IKBKB: variants seen among roughly 807,000 people sequenced by gnomAD.
IKBKB encodes inhibitor of nuclear factor kappa-B kinase subunit beta.
In IKBKB, 42 loss-of-function variants were observed where a neutral mutation model predicts 113.6. The observed-to-expected ratio is 0.37, with a 90% CI of 0.29 to 0.48. The LOEUF (loss-of-function observed/expected upper bound fraction) is 0.48, where lower values mean the gene tolerates loss of function less well. Among genes scored for constraint, IKBKB ranks in the 20% least tolerant of loss-of-function variants. The pLI is 0.99. For missense variants in IKBKB, 673 were observed against 939.7 expected (o/e 0.72, Z 3.71); for synonymous variants, 296 against 361.3 (o/e 0.82, Z 2.05).
chr8:42,302,102 T>C (rs1815344181), intron 5 of IKBKB, among the ~76,000 whole-genome samples: 1 of 152,234 alleles, frequency 6.6e-6, no homozygotes, highest in South Asian at 2.1e-4. Flanking sequence ...ATGGCCTTGC[T>C]CTCTGCCAGC....
chr8:42,330,707 A>G (rs967243589), intron 21 of IKBKB: 2 of 496,778 alleles, frequency 4.0e-6, no homozygotes, highest in Admixed American at 6.5e-5. Context: ...ATGGGGTTTC[A>G]CCATTTTGGC....
intron 21 of IKBKB, chr8:42,329,742 C>T: frequency 5.1e-6 from 5 of 985,332 alleles, no homozygotes; most frequent in Non-Finnish European, 6.0e-6. Flanking sequence ...CAGCCATGGC[C>T]TTGTCCTCAG....
chr8:42,286,776 A>G (rs901931786), intron 2 of IKBKB, among the ~76,000 whole-genome samples: 1 of 152,234 alleles, frequency 6.6e-6, no homozygotes, highest in Non-Finnish European at 1.5e-5. Flanking sequence ...ATAAACTGAG[A>G]AAACAGAAAT....
chr8:42,279,146 C>T (rs1448026088), intron 2 of IKBKB, among the ~76,000 whole-genome samples: 5 of 152,236 alleles, frequency 3.3e-5, no homozygotes, highest in Non-Finnish European at 7.3e-5. Flanking sequence ...AAGCTCTCTA[C>T]CTTCCTTCCC....
chr8:42,314,721 G>A (rs1330517742), intron 9 of IKBKB, among the ~76,000 whole-genome samples: 1 of 151,338 alleles, frequency 6.6e-6, no homozygotes, highest in Non-Finnish European at 1.5e-5. Context: ...GTTGCAGTGA[G>A]CTGAGATCGT....
rs540241525 is a variant in IKBKB, at chr8:42,271,512, C to G, written c.-19+43C>G. Reference sequence around the variant, plus strand: ...GTGCGGCCCGGGTGCCACCTGCAGGCCCCGCCGCCCCGCTGCCTGCAAGGC... The same window carrying G: ...GTGCGGCCCGGGTGCCACCTGCAGGGCCCGCCGCCCCGCTGCCTGCAAGGC... On this transcript the variant is annotated intron_variant, in intron 1 of 21. Transcript: ENST00000520810. The G allele has an allele frequency of 1.0e-4, 68 of 659,604 alleles. No homozygotes were observed. In the African/African-American group the frequency reaches 1.3e-3, roughly 12 times the overall value. The allele number at this position is 659,604 out of a possible 1,614,324, so 40.9% of individuals were successfully genotyped here.
chr8:42,309,979 ATG>A (rs1454406626), intron 8 of IKBKB, among the ~76,000 whole-genome samples: 1 of 152,234 alleles, frequency 6.6e-6, no homozygotes, highest in African/African-American at 2.4e-5. Context: ...ATGTGAGGTA[ATG>A]TATATGGTAA....
chr8:42,301,708 A>G (rs1815243715), intron 5 of IKBKB, among the ~76,000 whole-genome samples: 1 of 152,258 alleles, frequency 6.6e-6, no homozygotes, highest in Non-Finnish European at 1.5e-5. Flanking sequence ...ACAGATATTA[A>G]TAGTAGTCAG....
intron 8 of IKBKB, among the ~76,000 whole-genome samples, chr8:42,311,422 A>C (rs976042537): frequency 1.3e-5 from 2 of 151,968 alleles, no homozygotes; most frequent in Non-Finnish European, 2.9e-5. Flanking sequence ...TTAGCTGGGC[A>C]TGGTGGCACA....
intron 13 of IKBKB, 91 bp downstream of exon 13, chr8:42,318,766 A>G (rs1200698246): frequency 8.0e-7 from 1 of 1,254,832 alleles, no homozygotes; most frequent in Non-Finnish European, 1.1e-6. Context: ...AGGGACCCAG[A>G]AGCAACCGTT....
chr8:42,329,656 G>A (rs1821433209), intron 21 of IKBKB: 1 of 985,224 alleles, frequency 1.0e-6, no homozygotes. Flanking sequence ...ATTGTTCCCA[G>A]AAGCCTGTCC....
Position 42,318,688 on chromosome 8 carries a change from G to T in IKBKB, c.1364+13G>T, listed in dbSNP as rs771971575. Reference sequence around the variant, plus strand: ...AGCGAGCCGCCATGTAGCGTGCCAGGCTTTTTTTTTAAACTTAATTTATTT... The same window carrying T: ...AGCGAGCCGCCATGTAGCGTGCCAGTCTTTTTTTTTAAACTTAATTTATTT... On this transcript the variant is annotated intron_variant, in intron 13 of 21. Transcript: ENST00000520810. The T allele has an allele frequency of 1.9e-6, 3 of 1,580,830 alleles. No homozygotes were observed. Among genetic ancestry groups the T allele is most frequent in the Admixed American group, 1.9e-5 (1 of 52,488 alleles).
At chr8:42,329,572 C>G in intron 21 of IKBKB, 1 of 934,898 alleles carries the variant, frequency 1.1e-6, no homozygotes, top group Non-Finnish European at 1.3e-6. Flanking sequence ...TTATTGAAGG[C>G]TTACAACTAC....
chr8:42,282,536 G>A (rs985976140), intron 2 of IKBKB, among the ~76,000 whole-genome samples: 1 of 152,166 alleles, frequency 6.6e-6, no homozygotes, highest in Non-Finnish European at 1.5e-5. Context: ...TGTCCTTCAC[G>A]AGGAGTTCAT....
At chr8:42,324,387 C>A (rs1820331291) in intron 19 of IKBKB, among the ~76,000 whole-genome samples, 2 of 152,182 alleles carry the variant, frequency 1.3e-5, no homozygotes, top group Non-Finnish European at 2.9e-5. Context: ...GCCTCAGCCT[C>A]CCAAGTAGCT....
In IKBKB at chr8:42,287,572, G is replaced by T. The variant is rs536715983; in HGVS notation, c.106-1062G>T. ...CGTGGGAAGAGTGGCTGGAAATGCA[G>T]ATAGGAGCCAATCTCTGTAGGATGT... On this transcript the variant is annotated intron_variant, in intron 2 of 21. Transcript: ENST00000520810. 1.4e-3 allele frequency among the ~76,000 whole-genome samples: 210 copies of T among 152,358 alleles called. 1 individual carries two copies. Among genetic ancestry groups the T allele is most frequent in the Middle Eastern group, 6.8e-3 (2 of 294 alleles).
rs1481571023 is a variant in IKBKB at position 42,319,254 on chromosome 8, C to A, written c.1365-16C>A. On this transcript the variant is annotated splice_polypyrimidine_tract_variant and intron_variant, in intron 13 of 21. Transcript: ENST00000520810. ...TCCCAGAGATGCTCCAAGACTGTTC[C>A]TTGTGGTCCCTGCAGGATGAATCTC... 1.2e-6 allele frequency: 2 copies of A among 1,613,434 alleles called. No homozygotes were observed. Among genetic ancestry groups the A allele is most frequent in the Non-Finnish European group, 1.7e-6 (2 of 1,179,578 alleles).
intron 2 of IKBKB, among the ~76,000 whole-genome samples, chr8:42,279,670 A>C (rs1809935102): frequency 6.6e-6 from 1 of 152,102 alleles, no homozygotes; most frequent in Non-Finnish European, 1.5e-5. Context: ...TCGCAAGCAA[A>C]GAGGCTAGGA....
chr8:42,289,754 T>G (rs1364132661), intron 3 of IKBKB, among the ~76,000 whole-genome samples: 2 of 152,064 alleles, frequency 1.3e-5, no homozygotes, highest in African/African-American at 4.8e-5. Context: ...TGCCGAAAAT[T>G]AAACAGACAA....
Sources: gnomAD v4.1 joint callset for allele counts (sites outside exome capture counted in the v4.1 genomes callset) on GRCh38, gnomAD v4.1.1 for gene constraint, MANE v1.5 for transcripts, NCBI Gene and HGNC (gene_info 2026-07-23, HGNC 2026-07-21) for gene names.